KCNH5: variants seen among roughly 807,000 people sequenced by gnomAD.
KCNH5 encodes voltage-gated delayed rectifier potassium channel KCNH5.
KCNH5 carries 46 observed loss-of-function variants against 96.1 expected under a neutral mutation model. That is an observed-to-expected ratio of 0.48 (90% confidence interval 0.38 to 0.61). The LOEUF (loss-of-function observed/expected upper bound fraction) is 0.61. Ranked by LOEUF, KCNH5 falls within the 20% of genes least tolerant of loss-of-function variation. The probability of loss-of-function intolerance (pLI) is 0.00; values close to 1 mark genes in which losing one functional copy is unlikely to be tolerated. For synonymous variants in KCNH5, 439 were observed against 449.8 expected (o/e 0.98, Z 0.30); for missense variants, 907 against 1,225.8 (o/e 0.74, Z 3.88).
intron 10 of KCNH5, among the ~76,000 whole-genome samples, chr14:62,776,411 T>C (rs1401839111): frequency 6.6e-6 from 1 of 152,094 alleles, no homozygotes; most frequent in Non-Finnish European, 1.5e-5. Flanking sequence ...AGCTGGATAT[T>C]TGCAAGCCAG....
In KCNH5 at chr14:62,707,986, T is replaced by C. The variant is rs151103620; in HGVS notation, c.2489A>G (p.Asn830Ser). 11 of 1,614,088 alleles carry C rather than the reference T, an allele frequency of 6.8e-6. No homozygotes were observed. In the African/African-American group the frequency reaches 1.3e-4, roughly 20 times the overall value. The part of the protein sequence containing the change: ...AHEEKKEDWN[N>S]VTKAESMGLL... ...CCCCATTGACTCAGCTTTAGTGACA[T>C]TATTCCAGTCTTCCTTTTTCTCCTC... Residue 830 changes from asparagine to serine, a missense_variant, in exon 11 of 11, where the codon AAT (asparagine) becomes AGT (serine). By Grantham distance (46) the Asn-to-Ser change is conservative. Coordinates refer to ENST00000322893, the MANE Select transcript of KCNH5 (RefSeq NM_139318.5).
chr14:62,842,713 G>T (rs1887610668), intron 8 of KCNH5, among the ~76,000 whole-genome samples: 1 of 152,084 alleles, frequency 6.6e-6, no homozygotes, highest in South Asian at 2.1e-4. Flanking sequence ...TAGACATTCT[G>T]AATCCTAATT....
At chr14:62,782,022 GA>G (rs1886229523) in intron 9 of KCNH5, among the ~76,000 whole-genome samples, 1 of 152,226 alleles carries the variant, frequency 6.6e-6, no homozygotes, top group Non-Finnish European at 1.5e-5. Flanking sequence ...AAATGTCCAT[GA>G]AATCTTCACA....
chr14:62,992,366 G>A (rs1252690243), intron 4 of KCNH5, among the ~76,000 whole-genome samples: 2 of 152,008 alleles, frequency 1.3e-5, no homozygotes, highest in Admixed American at 6.6e-5. Context: ...CAGATCAAAT[G>A]GTAGTTCTAT....
intron 7 of KCNH5, among the ~76,000 whole-genome samples, chr14:62,882,700 T>G (rs1888518476): frequency 6.6e-6 from 1 of 152,184 alleles, no homozygotes; most frequent in Non-Finnish European, 1.5e-5. Context: ...GTTTACTAAA[T>G]TTGCTTTACC....
chr14:63,022,634 C>A (rs1891450438), intron 1 of KCNH5, among the ~76,000 whole-genome samples: 1 of 152,068 alleles, frequency 6.6e-6, no homozygotes, highest in African/African-American at 2.4e-5. Context: ...CCTACAATAG[C>A]CTCATTGACT....
intron 6 of KCNH5, among the ~76,000 whole-genome samples, chr14:62,963,986 A>T (rs1890260181): frequency 1.3e-5 from 2 of 152,150 alleles, no homozygotes; most frequent in South Asian, 4.1e-4. Flanking sequence ...ACCATATGTG[A>T]TCATATGGAA....
intron 6 of KCNH5, among the ~76,000 whole-genome samples, chr14:62,961,193 C>T (rs1013429055): frequency 6.6e-6 from 1 of 152,020 alleles, no homozygotes; most frequent in African/African-American, 2.4e-5. Context: ...AGAATAAAAC[C>T]CAAACTCCTT....
At chr14:62,814,524 T>C (rs1886934616) in intron 8 of KCNH5, among the ~76,000 whole-genome samples, 1 of 152,062 alleles carries the variant, frequency 6.6e-6, no homozygotes, top group South Asian at 2.1e-4. Context: ...ATGATCTTTT[T>C]AGTCCCCATG....
At chr14:62,908,075 C>T (rs1011958194) in intron 7 of KCNH5, among the ~76,000 whole-genome samples, 3 of 152,174 alleles carry the variant, frequency 2.0e-5, no homozygotes, top group Non-Finnish European at 4.4e-5. Flanking sequence ...ACATACTACA[C>T]AAACTTTTGT....
At chr14:62,832,191 T>C (rs1377849010) in intron 8 of KCNH5, among the ~76,000 whole-genome samples, 1 of 152,208 alleles carries the variant, frequency 6.6e-6, no homozygotes, top group Non-Finnish European at 1.5e-5. Flanking sequence ...TTTAGCTATA[T>C]AATACAGTAG....
intron 10 of KCNH5, among the ~76,000 whole-genome samples, chr14:62,751,878 A>T (rs1885507721): frequency 6.6e-6 from 1 of 152,204 alleles, no homozygotes; most frequent in Non-Finnish European, 1.5e-5. Flanking sequence ...TCAGGGGAAG[A>T]CTGGGTTATA....
intron 7 of KCNH5, among the ~76,000 whole-genome samples, chr14:62,929,174 ATCTCTGATTTC>A (rs1889532652): frequency 6.6e-6 from 1 of 150,786 alleles, no homozygotes; most frequent in Non-Finnish European, 1.5e-5. Context: ...TCTTGGAGTC[ATCTCTGATTTC>A]TCTCTGATTT....
chr14:62,955,400 G>A (rs1890084676), intron 6 of KCNH5, among the ~76,000 whole-genome samples: 1 of 152,138 alleles, frequency 6.6e-6, no homozygotes, highest in African/African-American at 2.4e-5. Flanking sequence ...CTACATGCCA[G>A]GTACTATTCT....
chr14:62,972,427 G>T (rs1294250013), intron 6 of KCNH5, among the ~76,000 whole-genome samples: 2 of 152,162 alleles, frequency 1.3e-5, no homozygotes, highest in Non-Finnish European at 2.9e-5. Flanking sequence ...CTGCCACTTT[G>T]GAAAACAGAC....
At chr14:62,762,560 C>T (rs1885774562) in intron 10 of KCNH5, among the ~76,000 whole-genome samples, 1 of 152,092 alleles carries the variant, frequency 6.6e-6, no homozygotes, top group Non-Finnish European at 1.5e-5. Context: ...AACCTCACCA[C>T]CATGCTATCA....
chr14:62,993,572 A>C (rs1007210190), intron 4 of KCNH5, among the ~76,000 whole-genome samples: 2 of 152,008 alleles, frequency 1.3e-5, no homozygotes, highest in African/African-American at 4.8e-5. Context: ...TTTGAAGTAG[A>C]TTCTAAATTT....
At chr14:62,801,686 G>T (rs1886664277) in intron 9 of KCNH5, among the ~76,000 whole-genome samples, 1 of 151,652 alleles carries the variant, frequency 6.6e-6, no homozygotes, top group Non-Finnish European at 1.5e-5. Flanking sequence ...TTTATTATTA[G>T]CCAAATAATT....
chr14:62,964,427 G>A (rs1011093425), intron 6 of KCNH5, among the ~76,000 whole-genome samples: 3 of 151,862 alleles, frequency 2.0e-5, no homozygotes, highest in Admixed American at 1.3e-4. Context: ...TATTGCCCCT[G>A]TATTATTTTT....
Sources: gnomAD v4.1 joint callset for allele counts (sites outside exome capture counted in the v4.1 genomes callset) on GRCh38, gnomAD v4.1.1 for gene constraint, MANE v1.5 for transcripts, NCBI Gene and HGNC (gene_info 2026-07-23, HGNC 2026-07-21) for gene names.